HEATR6: variants seen among roughly 807,000 people sequenced by gnomAD.
The protein encoded by HEATR6 is HEAT repeat containing 6.
HEATR6 carries 106 observed loss-of-function variants against 132.8 expected under a neutral mutation model. The ratio of observed to expected loss-of-function variants is 0.80; its 90% CI spans 0.68 to 0.94. The LOEUF (loss-of-function observed/expected upper bound fraction) is 0.94, where lower values mean the gene tolerates loss of function less well. HEATR6 is among the 40% of genes least tolerant of loss of function. The pLI is 0.00. For missense variants in HEATR6, 1,339 were observed against 1,425.1 expected, an observed-to-expected ratio of 0.94 and a Z score of 0.97; for synonymous variants, 529 against 537.8, an observed-to-expected ratio of 0.98 and a Z score of 0.23.
rs1412868974 is a variant in HEATR6, at chr17:60,066,189, T to TA, written c.1416+19dup. On this transcript the variant is annotated intron_variant, in intron 9 of 19. Transcript: ENST00000184956. The stretch of plus-strand genomic sequence containing the variant: ...AATTTTTTCTTCCTATTATAAAGCT[T>TA]AGAGTTTAAATTCTCTTACCTTTGG... The TA allele has an allele frequency of 1.3e-6, 2 of 1,594,678 alleles. No individual in the cohort carries two copies. Among genetic ancestry groups the TA allele is most frequent in the African/African-American group, 2.7e-5 (2 of 74,126 alleles).
At chr17:60,070,912 G>A in intron 5 of HEATR6, 105 bp from the exon 6 acceptor site, 2 of 653,560 alleles carry the variant, frequency 3.1e-6, no homozygotes. Flanking sequence ...GTCTCTAGAT[G>A]ATGAAAAAAA....
chr17:60,044,986 C>G (rs1906314566), intron 19 of HEATR6, among the ~76,000 whole-genome samples: 2 of 152,254 alleles, frequency 1.3e-5, no homozygotes, highest in African/African-American at 2.4e-5. Context: ...TGGATGCTTT[C>G]TAGTTCTCAA....
At chr17:60,051,153 C>G (rs1156568123) in intron 14 of HEATR6, among the ~76,000 whole-genome samples, 176 bp from the exon 15 acceptor site, 2 of 152,128 alleles carry the variant, frequency 1.3e-5, no homozygotes, top group African/African-American at 4.8e-5. Flanking sequence ...TTTAAGCCTC[C>G]CGTTCAACTC....
intron 12 of HEATR6, 40 bp from the exon 13 acceptor site, chr17:60,056,277 T>C: frequency 6.4e-7 from 1 of 1,562,182 alleles, no homozygotes; most frequent in Non-Finnish European, 8.7e-7. Context: ...AAGACCTGAG[T>C]GCAAGGCTGC....
chr17:60,069,794 A>G lies in HEATR6; in HGVS notation c.856T>C (p.Tyr286His). Residue 286 changes from tyrosine to histidine, a missense_variant, in exon 7 of 20, where the codon TAC becomes CAC. By Grantham distance (83) the Tyr-to-His change is moderately conservative. Coordinates refer to ENST00000184956, the MANE Select transcript of HEATR6 (RefSeq NM_022070.5). ...GLNIEMPTVL[Y>H]PTPLPQYDGR... ...TCATACTGAGGAAGCGGAGTTGGGT[A>G]TAACACCGTGGGCATCTCTATGTTT... is the stretch of plus-strand genomic sequence containing the variant. 1 of 1,614,028 alleles carries G rather than the reference A, an allele frequency of 6.2e-7. No individual in the cohort carries two copies. Among genetic ancestry groups the G allele is most frequent in the African/African-American group, 1.3e-5 (1 of 75,014 alleles).
chr17:60,045,821 T>G (rs1906345876), intron 19 of HEATR6, among the ~76,000 whole-genome samples: 2 of 152,240 alleles, frequency 1.3e-5, no homozygotes, highest in Admixed American at 6.5e-5. Flanking sequence ...TAAGTAATTT[T>G]AAATGGCAAC....
At chr17:60,047,287 C>A (rs1479959801) in intron 18 of HEATR6, 22 bp downstream of exon 18, 9 of 1,490,246 alleles carry the variant, frequency 6.0e-6, no homozygotes, top group Non-Finnish European at 8.4e-6. Flanking sequence ...TTGGGAGATA[C>A]TGGGTTTTGT....
At position 60,055,571 on chromosome 17, in the gene HEATR6, G is replaced by A. The variant is rs749175310; in HGVS notation, c.2233C>T (p.Gln745Ter). The change falls in exon 14 of 20, where the codon CAG becomes TAG. Residue 745 changes from glutamine to a stop codon, truncating the protein, a stop_gained. Transcript: ENST00000184956. LOFTEE classifies it high-confidence loss of function. ...LLEELGTGLI[Q>*]QYKPDSTAAP... is the part of the protein sequence containing the mutation. ...GCAGTGGAGTCTGGTTTATACTGCT[G>A]TATTAAGCCTGTGCCCAGTTCTTCC... 2 of 1,612,758 alleles carry A rather than the reference G, an allele frequency of 1.2e-6. No homozygotes were observed. The highest frequency in any genetic ancestry group is 2.2e-5 in the East Asian group (1 of 44,852).
At chr17:60,054,872 A>G (rs1192024582) in intron 14 of HEATR6, among the ~76,000 whole-genome samples, 1 of 152,036 alleles carries the variant, frequency 6.6e-6, no homozygotes, top group East Asian at 1.9e-4. Context: ...GGAACATGAG[A>G]TTTGTGGTGG....
intron 1 of HEATR6, 76 bp downstream of exon 1, chr17:60,078,620 A>C: frequency 3.5e-6 from 4 of 1,148,770 alleles, no homozygotes; most frequent in Non-Finnish European, 4.9e-6. Context: ...AGATCAGGGA[A>C]AGGCAGGCAG....
rs931171037 is a variant in HEATR6, at chr17:60,070,637, G to A, written c.801+69C>T. The A allele has an allele frequency of 2.5e-4, 208 of 847,240 alleles. 1 individual carries two copies. The highest frequency in any genetic ancestry group is 4.6e-5 in the Non-Finnish European group (23 of 497,198). 52.5% of individuals were successfully genotyped at this position (847,240 alleles called of 1,614,324 possible). A position where few individuals can be genotyped will look rare whatever the true frequency, so the allele number is the denominator to read the frequency against. On this transcript the variant is annotated intron_variant, in intron 6 of 19. Transcript: ENST00000184956. ...ACCTCAAAGTTAGCCTTAGAATAAG[G>A]ATGTAAAGTGGTCCTTGTACCATGG...
chr17:60,077,806 G>A (rs963978897), intron 1 of HEATR6, among the ~76,000 whole-genome samples: 1 of 152,206 alleles, frequency 6.6e-6, no homozygotes, highest in Non-Finnish European at 1.5e-5. Context: ...AACAGTCCAG[G>A]CATAAGTCGC....
intron 11 of HEATR6, among the ~76,000 whole-genome samples, chr17:60,058,485 G>C (rs950548476): frequency 6.6e-6 from 1 of 152,200 alleles, no homozygotes; most frequent in Non-Finnish European, 1.5e-5. Context: ...GGAATGAGCA[G>C]GGGTTGTTCT....
At chr17:60,074,158 A>G in intron 2 of HEATR6, 1 of 1,163,744 alleles carries the variant, frequency 8.6e-7, no homozygotes, top group Non-Finnish European at 1.1e-6. Context: ...AGACATTGGC[A>G]GCTGTGAATA....
intron 2 of HEATR6, among the ~76,000 whole-genome samples, chr17:60,074,360 C>A (rs1012437537): frequency 5.3e-5 from 8 of 152,118 alleles, no homozygotes; most frequent in African/African-American, 1.7e-4. Context: ...TTGGGACAGA[C>A]CAGGCTAATC....
In HEATR6 at chr17:60,042,477, C is replaced by T. The variant is rs8070881; in HGVS notation, c.*1086G>A. On this transcript the variant is annotated 3_prime_UTR_variant, in exon 20 of 20. Coordinates refer to ENST00000184956, the MANE Select transcript of HEATR6 (RefSeq NM_022070.5). ...ACTGTCAGCATCCTCGCGTCCTGTGCGGCTGTGAGGCACTGTCAGCATCCT... is the reference window on the plus strand; with the variant it reads ...ACTGTCAGCATCCTCGCGTCCTGTGTGGCTGTGAGGCACTGTCAGCATCCT... 6.1e-3 allele frequency among the ~76,000 whole-genome samples: 163 copies of T among 26,720 alleles called. No homozygotes were observed. Among genetic ancestry groups the T allele is most frequent in the African/African-American group, 0.034 (56 of 1,652 alleles). 17.5% of individuals were successfully genotyped at this position (26,720 alleles called of 152,430 possible).
At chr17:60,063,772 C>A (rs1278510298) in intron 9 of HEATR6, 1 of 152,212 alleles carries the variant, frequency 6.6e-6, no homozygotes, top group Non-Finnish European at 1.5e-5. Context: ...GCCATAAACT[C>A]AAAACTAATC....
chr17:60,043,815 A>T lies in HEATR6; in HGVS notation c.3294T>A (p.Ser1098Arg), dbSNP rs780061088. The change falls in exon 20 of 20, where the codon AGT becomes AGA. Residue 1098 changes from serine (S) to arginine (R), a missense_variant. Coordinates refer to ENST00000184956, the MANE Select transcript of HEATR6 (RefSeq NM_022070.5). ...LPCMKETLEL[S>R]GNMVQSYILQ... The stretch of plus-strand genomic sequence containing the variant: ...GAATATAGGACTGGACCATATTCCC[A>T]CTCAGTTCAAGGGTTTCTTTCATAC... The T allele has an allele frequency of 1.2e-6, 2 of 1,614,122 alleles. No individual in the cohort carries two copies. Among genetic ancestry groups the T allele is most frequent in the South Asian group, 2.2e-5 (2 of 91,086 alleles).
chr17:60,078,544 A>G, intron 1 of HEATR6, 152 bp downstream of exon 1: 2 of 654,262 alleles, frequency 3.1e-6, no homozygotes, highest in Non-Finnish European at 5.2e-6. Context: ...ATGGAGAACT[A>G]AGAATGTGCC....
Sources: allele counts gnomAD v4.1 joint callset (sites outside exome capture counted in the v4.1 genomes callset), GRCh38; gene constraint gnomAD v4.1.1; transcripts MANE v1.5; gene names NCBI Gene and HGNC (gene_info 2026-07-23, HGNC 2026-07-21).